The following PCDHA1 variants were observed in gnomAD, a reference collection of about 807,000 sequenced individuals.
The protein encoded by PCDHA1 is protocadherin alpha 1.
A neutral mutation model predicts 61.3 loss-of-function variants in PCDHA1; 42 were observed. That is an observed-to-expected ratio of 0.69 (90% confidence interval 0.54 to 0.89). The LOEUF is 0.89. Ranked by LOEUF, PCDHA1 falls within the 40% of genes least tolerant of loss-of-function variation. The probability of loss-of-function intolerance (pLI) is 0.00; values close to 1 mark genes in which losing one functional copy is unlikely to be tolerated. For missense variants in PCDHA1, 1,256 were observed against 1,235.3 expected, an observed-to-expected ratio of 1.02 and a Z score of -0.25; for synonymous variants, 610 against 553.8, an observed-to-expected ratio of 1.10 and a Z score of -1.43.
At chr5:140,827,484 G>A (rs1007754515) in intron 1 of PCDHA1, among the ~76,000 whole-genome samples, 37 of 152,134 alleles carry the variant, frequency 2.4e-4, no homozygotes, top group African/African-American at 8.5e-4. Flanking sequence ...AACAAAGAAA[G>A]CATGGACTTC....
chr5:140,896,980 C>A (rs2065827913), intron 1 of PCDHA1, among the ~76,000 whole-genome samples: 1 of 152,032 alleles, frequency 6.6e-6, no homozygotes, highest in South Asian at 2.1e-4. Context: ...ACAAACAAAC[C>A]AGTTATGCTC....
At chr5:140,871,523 G>T in intron 1 of PCDHA1, 1 of 1,546,536 alleles carries the variant, frequency 6.5e-7, no homozygotes, top group Non-Finnish European at 8.7e-7. Context: ...CCACCTATCA[G>T]GAAGTGTATG....
chr5:140,857,329 G>T (rs781793178), intron 1 of PCDHA1: 1 of 1,598,568 alleles, frequency 6.3e-7, no homozygotes. Context: ...TGACCGCGCG[G>T]GACGGGGGCT....
intron 3 of PCDHA1, among the ~76,000 whole-genome samples, chr5:141,007,690 C>T (rs2098341020): frequency 6.6e-6 from 1 of 152,224 alleles, no homozygotes; most frequent in Non-Finnish European, 1.5e-5. Flanking sequence ...CCTACTTCCA[C>T]CTCCCTCCTC....
chr5:140,851,315 T>G lies in PCDHA1; in HGVS notation c.2394+62631T>G. ...GCAAAAATATATAGCAATTGTTACC[T>G]TGTTAAGTTTGTAGTTCTCTACATT... On this transcript the variant is annotated intron_variant, in intron 1 of 3. Coordinates refer to ENST00000504120, the MANE Select transcript of PCDHA1 (RefSeq NM_018900.4). 7.1e-6 allele frequency: 7 copies of G among 992,586 alleles called. 1 individual carries two copies. The highest frequency in any genetic ancestry group is 8.6e-6 in the Non-Finnish European group (7 of 809,654). 61.5% of individuals were successfully genotyped at this position (992,586 alleles called of 1,614,324 possible).
intron 1 of PCDHA1, chr5:140,875,854 G>T: frequency 1.2e-6 from 2 of 1,614,160 alleles, no homozygotes; most frequent in East Asian, 4.5e-5. Flanking sequence ...GGACATTAAC[G>T]ACAACCCGCC....
intron 1 of PCDHA1, chr5:140,849,802 G>A (rs2041146387): frequency 6.3e-7 from 1 of 1,598,478 alleles, no homozygotes; most frequent in Non-Finnish European, 8.6e-7. Flanking sequence ...CCTTCACTGT[G>A]GGCCACGGCC....
chr5:140,949,935 T>C (rs1554219235), intron 1 of PCDHA1, among the ~76,000 whole-genome samples: 1 of 151,898 alleles, frequency 6.6e-6, no homozygotes, highest in East Asian at 1.9e-4. Context: ...TTTTTTTTAA[T>C]TTGCATTTTT....
At chr5:140,819,251 A>ATATC (rs1554127623) in intron 1 of PCDHA1, among the ~76,000 whole-genome samples, 3 of 152,188 alleles carry the variant, frequency 2.0e-5, no homozygotes, top group African/African-American at 7.2e-5. Context: ...GCAATCTGGT[A>ATATC]TATCTATATA....
At chr5:140,834,629 C>A (rs2150222976) in intron 1 of PCDHA1, 3 of 1,614,154 alleles carry the variant, frequency 1.9e-6, no homozygotes, top group Non-Finnish European at 2.5e-6. Flanking sequence ...TGCAGAATGG[C>A]ATTTTGTTTG....
chr5:140,968,734 C>T, intron 1 of PCDHA1: 1 of 1,614,162 alleles, frequency 6.2e-7, no homozygotes, highest in Non-Finnish European at 8.5e-7. Flanking sequence ...GTAGCACTTT[C>T]AACCTGACCG....
Position 140,809,366 on chromosome 5 carries a change from C to A in PCDHA1, c.2394+20682C>A, listed in dbSNP as rs782392679. 3 of 1,613,980 alleles carry A rather than the reference C, an allele frequency of 1.9e-6. No homozygotes were observed. In the Admixed American group the frequency reaches 5.0e-5, roughly 27 times the overall value. ...CACCGCGCTGCGGTGCTCTGCGCTG[C>A]CCACCGAGGGCGCGTGCGCTCCGGG... On this transcript the variant is annotated intron_variant, in intron 1 of 3. Coordinates refer to ENST00000504120, the MANE Select transcript of PCDHA1 (RefSeq NM_018900.4).
chr5:140,932,373 A>T (rs927239233), intron 1 of PCDHA1, among the ~76,000 whole-genome samples: 1 of 151,942 alleles, frequency 6.6e-6, no homozygotes, highest in Non-Finnish European at 1.5e-5. Flanking sequence ...AAATTTCCAC[A>T]TGAAAGTTAT....
At chr5:140,858,045 T>A (rs2150410176) in intron 1 of PCDHA1, 2 of 1,597,338 alleles carry the variant, frequency 1.3e-6, no homozygotes, top group Non-Finnish European at 1.7e-6. Flanking sequence ...ACTGTGCTTG[T>A]GTCGCTTGTG....
At chr5:140,822,213 G>A in intron 1 of PCDHA1, 1 of 1,614,222 alleles carries the variant, frequency 6.2e-7, no homozygotes, top group Non-Finnish European at 8.5e-7. Context: ...AGTCAAGAAT[G>A]CCAGATTCGC....
chr5:140,821,835 T>A (rs11958868), intron 1 of PCDHA1: 5 of 1,613,936 alleles, frequency 3.1e-6, no homozygotes, highest in African/African-American at 1.3e-5. Context: ...GGCTTCTCCT[T>A]GCCTACTGGA....
chr5:140,891,418 C>G (rs2063090538), intron 1 of PCDHA1, among the ~76,000 whole-genome samples: 1 of 146,594 alleles, frequency 6.8e-6, no homozygotes, highest in Non-Finnish European at 1.5e-5. Flanking sequence ...CCACTCTTGC[C>G]CCCAAGTCCC....
chr5:140,883,925 G>T (rs1554180613), intron 1 of PCDHA1: 2 of 1,613,466 alleles, frequency 1.2e-6, no homozygotes, highest in Non-Finnish European at 1.7e-6. Context: ...GACGCTGCAG[G>T]TGTTCGTGCT....
chr5:140,897,309 A>G (rs1165791921), intron 1 of PCDHA1, among the ~76,000 whole-genome samples: 3 of 148,098 alleles, frequency 2.0e-5, no homozygotes, highest in Non-Finnish European at 3.0e-5. Flanking sequence ...CATTAGGTAT[A>G]TCTCCTAAAG....
Sources: gnomAD v4.1 joint callset for allele counts (sites outside exome capture counted in the v4.1 genomes callset) on GRCh38, gnomAD v4.1.1 for gene constraint, MANE v1.5 for transcripts, NCBI Gene and HGNC (gene_info 2026-07-23, HGNC 2026-07-21) for gene names.